Variants in MGMT observed in about 807,000 individuals in gnomAD.
MGMT encodes the protein O-6-methylguanine-DNA methyltransferase.
A neutral mutation model predicts 15.9 loss-of-function variants in MGMT; 14 were observed. The observed-to-expected ratio is 0.88, with a 90% CI of 0.58 to 1.37. The LOEUF (loss-of-function observed/expected upper bound fraction) is 1.37, where lower values mean the gene tolerates loss of function less well. Ranked by LOEUF, MGMT falls within the 40% of genes most tolerant of loss-of-function variation. The pLI is 0.00. For missense variants in MGMT, 282 were observed against 268.1 expected (o/e 1.05, Z -0.36); for synonymous variants, 130 against 118.2 (o/e 1.10, Z -0.65).
At chr10:129,568,884 T>A (rs1846385401) in intron 2 of MGMT, among the ~76,000 whole-genome samples, 1 of 152,232 alleles carries the variant, frequency 6.6e-6, no homozygotes, top group Non-Finnish European at 1.5e-5. Context: ...TTCTGTAGGT[T>A]GAAGTACATT....
intron 2 of MGMT, among the ~76,000 whole-genome samples, chr10:129,613,766 C>T (rs759509543): frequency 6.6e-6 from 1 of 152,208 alleles, no homozygotes; most frequent in Non-Finnish European, 1.5e-5. Flanking sequence ...TTGGGCGCCT[C>T]TGCCCAGCGT....
At chr10:129,524,663 C>T (rs1007989660) in intron 1 of MGMT, among the ~76,000 whole-genome samples, 8 of 140,972 alleles carry the variant, frequency 5.7e-5, no homozygotes, top group Admixed American at 4.7e-4. Flanking sequence ...GTGATCTCAG[C>T]TCACTGCAAC....
At chr10:129,764,487 C>A (rs931428349) in intron 4 of MGMT, among the ~76,000 whole-genome samples, 1 of 152,236 alleles carries the variant, frequency 6.6e-6, no homozygotes, top group South Asian at 2.1e-4. Flanking sequence ...GCAGTCACCT[C>A]CCCAGGAAGC....
intron 2 of MGMT, among the ~76,000 whole-genome samples, chr10:129,679,496 T>C (rs1375919535): frequency 6.6e-6 from 1 of 152,076 alleles, no homozygotes; most frequent in Non-Finnish European, 1.5e-5. Context: ...GCTTGAGAAA[T>C]GTTGGTATGT....
chr10:129,687,144 TATTTA>T (rs1323707254), intron 2 of MGMT, among the ~76,000 whole-genome samples: 4 of 152,284 alleles, frequency 2.6e-5, no homozygotes, highest in African/African-American at 4.8e-5. Flanking sequence ...TTTATTTTTT[TATTTA>T]ATTTATTTTT....
At position 129,506,488 on chromosome 10, in the gene MGMT, C is replaced by T. The variant is rs143407584; in HGVS notation, c.-12-29753C>T. On this transcript the variant is annotated intron_variant, in intron 1 of 4. Transcript: ENST00000651593. ...TCCCCTTGCAGCCACATACTTAGGGCTGGTGAAGTAGCCGTTCAGTCATCT... is the reference window on the plus strand; with the variant it reads ...TCCCCTTGCAGCCACATACTTAGGGTTGGTGAAGTAGCCGTTCAGTCATCT... 3.8e-3 allele frequency among the ~76,000 whole-genome samples: 572 copies of T among 152,274 alleles called. 6 individuals carry two copies. The highest frequency in any genetic ancestry group is 0.033 in the Admixed American group (504 of 15,298).
At chr10:129,529,849 AT>A (rs1379945756) in intron 1 of MGMT, among the ~76,000 whole-genome samples, 1 of 152,032 alleles carries the variant, frequency 6.6e-6, no homozygotes, top group Non-Finnish European at 1.5e-5. Context: ...TGTATTCATA[AT>A]TTGGGGTACT....
At chr10:129,486,855 C>G (rs1845414247) in intron 1 of MGMT, among the ~76,000 whole-genome samples, 1 of 152,202 alleles carries the variant, frequency 6.6e-6, no homozygotes, top group Non-Finnish European at 1.5e-5. Flanking sequence ...TGAGACCAGA[C>G]AGAAGAAGAG....
chr10:129,688,643 G>T (rs993843609), intron 2 of MGMT, among the ~76,000 whole-genome samples: 1 of 152,072 alleles, frequency 6.6e-6, no homozygotes, highest in Non-Finnish European at 1.5e-5. Context: ...TCTGTAGGTC[G>T]CCTGTTCCCT....
At chr10:129,497,612 C>G (rs1845535423) in intron 1 of MGMT, among the ~76,000 whole-genome samples, 1 of 152,224 alleles carries the variant, frequency 6.6e-6, no homozygotes, top group South Asian at 2.1e-4. Context: ...AACACGGGTG[C>G]ACTACTGTAA....
intron 1 of MGMT, among the ~76,000 whole-genome samples, chr10:129,475,954 C>G (rs1762428): frequency 0.97 from 147,977 of 152,336 alleles, 72,021 homozygotes; most frequent in East Asian, 1. Context: ...ATATTCACAG[C>G]TGACCAACCA....
intron 1 of MGMT, among the ~76,000 whole-genome samples, chr10:129,480,542 G>A (rs374708848): frequency 1.9e-4 from 29 of 152,260 alleles, no homozygotes; most frequent in African/African-American, 6.5e-4. Context: ...GTATTGGGAA[G>A]CCATGGTGGT....
intron 2 of MGMT, among the ~76,000 whole-genome samples, chr10:129,687,086 T>C (rs1399373325): frequency 1.3e-5 from 2 of 152,202 alleles, no homozygotes; most frequent in Admixed American, 1.3e-4. Context: ...GTGTCACAAA[T>C]AGTAGGTTCT....
intron 2 of MGMT, among the ~76,000 whole-genome samples, chr10:129,658,063 C>A (rs922324348): frequency 6.6e-6 from 1 of 152,182 alleles, no homozygotes; most frequent in African/African-American, 2.4e-5. Context: ...AAGGTGATCT[C>A]CCTGGTCCTA....
intron 1 of MGMT, among the ~76,000 whole-genome samples, chr10:129,527,025 AGGTGGATGCCGT>A (rs1190396228): frequency 6.6e-6 from 1 of 152,236 alleles, no homozygotes; most frequent in African/African-American, 2.4e-5. Context: ...CATGTGGTTT[AGGTGGATGCCGT>A]GGTGGTGCCG....
chr10:129,646,215 C>T (rs74160252), intron 2 of MGMT, among the ~76,000 whole-genome samples: 7,742 of 152,194 alleles, frequency 0.051, 226 homozygotes, highest in Middle Eastern at 0.088. Flanking sequence ...TGAGGCCCCA[C>T]CTTGTGCCTT....
At chr10:129,515,522 A>T (rs536758933) in intron 1 of MGMT, among the ~76,000 whole-genome samples, 1 of 152,280 alleles carries the variant, frequency 6.6e-6, no homozygotes, top group African/African-American at 2.4e-5. Context: ...TTTAATGGGA[A>T]AGTTGGTGCT....
At chr10:129,724,848 C>T (rs1451859984) in intron 3 of MGMT, among the ~76,000 whole-genome samples, 1 of 152,090 alleles carries the variant, frequency 6.6e-6, no homozygotes, top group Non-Finnish European at 1.5e-5. Context: ...ATTTTTATTC[C>T]TTGAAAGCAA....
In MGMT at chr10:129,707,983, C is replaced by G; in HGVS notation, c.214C>G (p.Gln72Glu). Residue 72 changes from glutamine (Q) to glutamate (E), a missense_variant, in exon 3 of 5, where the codon CAG becomes GAG. By Grantham distance (29) the Gln-to-Glu change is conservative (BLOSUM62 2). Transcript: ENST00000651593. ...CTAWLNAYFH[Q>E]PEAIEEFPVP... is the part of the protein sequence containing the mutation. ...AGCCTGGCTGAATGCCTATTTCCAC[C>G]AGCCCGAGGCTATCGAAGAGTTCCC... 1 of 1,613,808 alleles carries G rather than the reference C, an allele frequency of 6.2e-7. No individual in the cohort carries two copies. The highest frequency in any genetic ancestry group is 8.5e-7 in the Non-Finnish European group (1 of 1,180,024).
Sources: allele counts gnomAD v4.1 joint callset (sites outside exome capture counted in the v4.1 genomes callset), GRCh38; gene constraint gnomAD v4.1.1; transcripts MANE v1.5; gene names NCBI Gene and HGNC (gene_info 2026-07-23, HGNC 2026-07-21).